The following GRM5 variants were observed in gnomAD, a reference collection of about 807,000 sequenced individuals.
GRM5 encodes metabotropic glutamate receptor 5.
A neutral mutation model predicts 83.1 loss-of-function variants in GRM5; 19 were observed. That is an observed-to-expected ratio of 0.23 (90% CI 0.16 to 0.34). GRM5 has a LOEUF of 0.34. GRM5 is among the 10% of genes least tolerant of loss of function. The pLI, the probability that GRM5 is intolerant of heterozygous loss-of-function variation, is 1.00. For synonymous variants in GRM5, 675 were observed against 633.6 expected (o/e 1.07, Z -0.98); for missense variants, 1,160 against 1,588.3 (o/e 0.73, Z 4.58).
At chr11:88,546,693 A>G (rs531814664) in intron 8 of GRM5, among the ~76,000 whole-genome samples, 75 of 152,212 alleles carry the variant, frequency 4.9e-4, no homozygotes, top group South Asian at 1.2e-3. Context: ...TACGTGGTGT[A>G]AGCTTGATGC....
chr11:88,570,582 T>A (rs1219461684), intron 7 of GRM5, among the ~76,000 whole-genome samples: 48 of 127,066 alleles, frequency 3.8e-4, no homozygotes, highest in African/African-American at 1.5e-3. Context: ...TTTTTTTTTT[T>A]TTTTTTTTTT....
In GRM5 at chr11:88,949,644, T is replaced by G. The variant is rs375819804; in HGVS notation, c.661+97568A>C. Reference sequence around the variant, plus strand: ...AAATGTAAAAATAATAACGCATAGATTTTTAAAGAAAGTTAAAGCAAAACG... The same window carrying G: ...AAATGTAAAAATAATAACGCATAGAGTTTTAAAGAAAGTTAAAGCAAAACG... On this transcript the variant is annotated intron_variant, in intron 2 of 9. Transcript: ENST00000305447. Among the ~76,000 whole-genome samples the G allele has an allele frequency of 1.8e-4, 28 of 152,302 alleles. No individual in the cohort carries two copies. In the South Asian group the frequency reaches 5.6e-3, roughly 30 times the overall value.
chr11:88,786,887 G>A (rs1489571242), intron 3 of GRM5, among the ~76,000 whole-genome samples: 1 of 151,948 alleles, frequency 6.6e-6, no homozygotes, highest in Non-Finnish European at 1.5e-5. Context: ...AGAGCTTCTG[G>A]CACATAAGAG....
intron 3 of GRM5, among the ~76,000 whole-genome samples, chr11:88,803,863 A>C (rs1943447575): frequency 1.3e-5 from 2 of 152,212 alleles, no homozygotes; most frequent in Non-Finnish European, 2.9e-5. Context: ...ACCCCATCGA[A>C]AAGTGGGCGA....
chr11:88,720,728 G>T (rs994016813), intron 3 of GRM5, among the ~76,000 whole-genome samples: 22 of 151,528 alleles, frequency 1.5e-4, no homozygotes, highest in South Asian at 1.2e-3. Flanking sequence ...CATTAAAATT[G>T]TTATGTGCCC....
chr11:88,687,922 C>T (rs1382364010), intron 3 of GRM5, among the ~76,000 whole-genome samples: 1 of 151,964 alleles, frequency 6.6e-6, no homozygotes, highest in African/African-American at 2.4e-5. Context: ...TTGCAATCTT[C>T]CTTCCGCCCT....
chr11:88,578,668 T>A (rs1943163668), intron 7 of GRM5, among the ~76,000 whole-genome samples: 1 of 152,180 alleles, frequency 6.6e-6, no homozygotes, highest in South Asian at 2.1e-4. Context: ...TTAAATATAC[T>A]GACTTTTTGA....
chr11:88,971,384 A>T (rs1183516266), intron 2 of GRM5, among the ~76,000 whole-genome samples: 3 of 152,134 alleles, frequency 2.0e-5, no homozygotes, highest in Non-Finnish European at 4.4e-5. Context: ...TTCATCGCTC[A>T]GATGATGAGC....
chr11:88,706,091 C>G (rs1031408194), intron 3 of GRM5, among the ~76,000 whole-genome samples: 1 of 152,070 alleles, frequency 6.6e-6, no homozygotes, highest in African/African-American at 2.4e-5. Context: ...GATTCAAAAT[C>G]TGACATTCTT....
chr11:88,777,797 A>T (rs1323084532), intron 3 of GRM5, among the ~76,000 whole-genome samples: 1 of 152,124 alleles, frequency 6.6e-6, no homozygotes, highest in Admixed American at 6.5e-5. Flanking sequence ...CAGAACAGCA[A>T]ATATTGCTGC....
intron 3 of GRM5, among the ~76,000 whole-genome samples, chr11:88,728,172 A>G (rs1941724408): frequency 6.6e-6 from 1 of 152,178 alleles, no homozygotes; most frequent in African/African-American, 2.4e-5. Context: ...AATAGACTCA[A>G]TAGAAAATGA....
At chr11:88,847,518 A>C (rs1305299062) in intron 3 of GRM5, among the ~76,000 whole-genome samples, 2 of 152,186 alleles carry the variant, frequency 1.3e-5, no homozygotes, top group Non-Finnish European at 2.9e-5. Context: ...AGGATATTTC[A>C]AAGAGAAGTT....
chr11:88,888,428 T>C (rs1216798114), intron 2 of GRM5, among the ~76,000 whole-genome samples: 2 of 152,140 alleles, frequency 1.3e-5, no homozygotes, highest in African/African-American at 4.8e-5. Context: ...AGAGAGGCAA[T>C]ACCTCTTGAA....
At chr11:88,671,888 T>G (rs934511223) in intron 3 of GRM5, among the ~76,000 whole-genome samples, 4 of 152,106 alleles carry the variant, frequency 2.6e-5, no homozygotes, top group Admixed American at 1.3e-4. Flanking sequence ...GCAAATTCAA[T>G]GTACTACACA....
chr11:88,568,984 A>T (rs1479250707), intron 7 of GRM5, among the ~76,000 whole-genome samples: 3 of 152,208 alleles, frequency 2.0e-5, no homozygotes, highest in Admixed American at 2.0e-4. Flanking sequence ...TATAGCAGAA[A>T]AATAGTGACA....
At chr11:89,038,819 G>C (rs1422320886) in intron 2 of GRM5, among the ~76,000 whole-genome samples, 2 of 152,150 alleles carry the variant, frequency 1.3e-5, no homozygotes, top group Non-Finnish European at 2.9e-5. Flanking sequence ...ATGAGATTTA[G>C]ATTTGTTTCA....
At chr11:88,617,792 G>T (rs1938524729) in intron 4 of GRM5, among the ~76,000 whole-genome samples, 2 of 152,274 alleles carry the variant, frequency 1.3e-5, no homozygotes, top group South Asian at 4.1e-4. Context: ...TCCCATGGCA[G>T]GGTGATCTCA....
chr11:89,011,126 A>G (rs563113143), intron 2 of GRM5, among the ~76,000 whole-genome samples: 1 of 152,196 alleles, frequency 6.6e-6, no homozygotes, highest in Non-Finnish European at 1.5e-5. Context: ...ACAAAACCTC[A>G]GTTAGCTGTA....
chr11:88,824,520 G>C (rs1177199643), intron 3 of GRM5, among the ~76,000 whole-genome samples: 15 of 152,100 alleles, frequency 9.9e-5, no homozygotes, highest in Admixed American at 9.8e-4. Context: ...AGTGGGGCGG[G>C]GCAGGGGGGT....
Sources: gnomAD v4.1 joint callset for allele counts (sites outside exome capture counted in the v4.1 genomes callset) on GRCh38, gnomAD v4.1.1 for gene constraint, MANE v1.5 for transcripts, NCBI Gene and HGNC (gene_info 2026-07-23, HGNC 2026-07-21) for gene names.